Variants in REST observed in about 807,000 individuals in gnomAD.
REST encodes the protein RE1 silencing transcription factor.
A neutral mutation model predicts 30.4 loss-of-function variants in REST; 1 was observed. That is an observed-to-expected ratio of 0.03 (90% CI 0.01 to 0.16). The LOEUF (loss-of-function observed/expected upper bound fraction) is 0.16. Ranked by LOEUF, REST falls within the 10% of genes least tolerant of loss-of-function variation. The pLI, the probability that REST is intolerant of heterozygous loss-of-function variation, is 1.00. For missense variants in REST, 1,259 were observed against 1,329.5 expected (o/e 0.95, Z 0.82); for synonymous variants, 504 against 451.1 (o/e 1.12, Z -1.49).
At chr4:56,924,468 G>T (rs1409129740) in intron 3 of REST, among the ~76,000 whole-genome samples, 1 of 152,044 alleles carries the variant, frequency 6.6e-6, no homozygotes, top group Non-Finnish European at 1.5e-5. Flanking sequence ...GAACATTATA[G>T]AATTTGTTTG....
chr4:56,925,164 CAAAA>C (rs35149595), intron 3 of REST, among the ~76,000 whole-genome samples: 2 of 82,370 alleles, frequency 2.4e-5, no homozygotes, highest in Non-Finnish European at 5.0e-5. Flanking sequence ...GACTCAGTCT[CAAAA>C]AAAAAAAAAA....
chr4:56,926,817 C>T (rs1158096714), intron 3 of REST, among the ~76,000 whole-genome samples: 1 of 151,858 alleles, frequency 6.6e-6, no homozygotes. Flanking sequence ...GAAATTGAGG[C>T]CGGGCGCGGT....
rs777556718 is a variant in REST at position 56,930,510 on chromosome 4, C to G, written c.1652C>G (p.Ser551Cys). The G allele has an allele frequency of 5.6e-6, 9 of 1,610,590 alleles. No individual in the cohort carries two copies. The highest frequency in any genetic ancestry group is 1.3e-5 in the African/African-American group (1 of 74,570). Residue 551 changes from serine to cysteine, a missense_variant, in exon 4 of 4, where the codon TCC becomes TGC. Coordinates refer to ENST00000309042, the MANE Select transcript of REST (RefSeq NM_005612.5). ...AAGAAAAAGAAGGTAGAAAGCAAAT[C>G]CAAAAATAATAGTCAGGAAGTGCCA... is the stretch of plus-strand genomic sequence containing the variant. ...TKKKKKVESK[S>C]KNNSQEVPKG...
At chr4:56,927,733 G>A in intron 3 of REST, 1 of 637,542 alleles carries the variant, frequency 1.6e-6, no homozygotes, top group Non-Finnish European at 2.3e-6. Context: ...GGTTTTTTAT[G>A]TATCAGTGAT....
chr4:56,929,124 G>T (rs1174644253), intron 3 of REST, among the ~76,000 whole-genome samples: 1 of 149,758 alleles, frequency 6.7e-6, no homozygotes, highest in African/African-American at 2.5e-5. Flanking sequence ...CTGGAGTGAA[G>T]TAGTGCGATC....
Position 56,931,315 on chromosome 4 carries a change from T to A in REST, c.2457T>A (p.Asp819Glu). The change falls in exon 4 of 4, where the codon GAT becomes GAA. Residue 819 changes from aspartate to glutamate, a missense_variant. Asp to Glu is a conservative substitution (Grantham distance 45, BLOSUM62 2). This residue lies in a region of REST where 856 missense variants were observed against 772.8 expected (regional missense o/e 1.11). Coordinates refer to ENST00000309042, the MANE Select transcript of REST (RefSeq NM_005612.5). Reference sequence around the variant, plus strand: ...CCAAAAAGCCTCCTCTCCGAAAAGATAAAAAGGAAAAGTCTAACATGCAGA... The same window carrying A: ...CCAAAAAGCCTCCTCTCCGAAAAGAAAAAAAGGAAAAGTCTAACATGCAGA... The part of the protein sequence containing the change: ...PISKKPPLRK[D>E]KKEKSNMQSE... 6.2e-7 allele frequency: 1 copy of A among 1,614,146 alleles called. No individual in the cohort carries two copies. The highest frequency in any genetic ancestry group is 8.5e-7 in the Non-Finnish European group (1 of 1,180,016).
chr4:56,924,577 C>G (rs762373563), intron 3 of REST, among the ~76,000 whole-genome samples: 1 of 151,734 alleles, frequency 6.6e-6, no homozygotes, highest in Non-Finnish European at 1.5e-5. Flanking sequence ...GCCACCTTAA[C>G]CTCCCAAGTA....
chr4:56,921,594 G>C (rs182910159), intron 3 of REST, among the ~76,000 whole-genome samples: 186 of 152,082 alleles, frequency 1.2e-3, no homozygotes, highest in African/African-American at 3.7e-3. Context: ...AATTTTAGTA[G>C]AGATGGGGTT....
intron 3 of REST, among the ~76,000 whole-genome samples, chr4:56,922,609 G>A (rs1252773662): frequency 1.3e-5 from 2 of 152,066 alleles, no homozygotes; most frequent in African/African-American, 4.8e-5. Context: ...CACTGCTCCC[G>A]GCCAAGAGCT....
chr4:56,924,000 C>T (rs577156577), intron 3 of REST, among the ~76,000 whole-genome samples: 9 of 152,172 alleles, frequency 5.9e-5, no homozygotes, highest in East Asian at 1.9e-4. Context: ...GGATTACAGG[C>T]GTGAGCCACC....
chr4:56,909,846 A>G (rs1461684485), intron 1 of REST, among the ~76,000 whole-genome samples: 1 of 152,190 alleles, frequency 6.6e-6, no homozygotes, highest in Non-Finnish European at 1.5e-5. Context: ...AAAGTTGCTG[A>G]TTGTCGAGTT....
At position 56,931,370 on chromosome 4, in the gene REST, A is replaced by G; in HGVS notation, c.2512A>G (p.Ile838Val). ...AAGGGCACGGAAGGAGCAAGTCCTT[A>G]TTGAAGTTGGCTTAGTGCCTGTTAA... ...SERARKEQVLIEVGLVPVKDS... is the reference protein window; with the variant it reads ...SERARKEQVLVEVGLVPVKDS... Residue 838 changes from isoleucine to valine, a missense_variant, in exon 4 of 4, where the codon ATT becomes GTT. By Grantham distance (29) the Ile-to-Val change is conservative (BLOSUM62 3). Transcript: ENST00000309042. 3.7e-6 allele frequency: 6 copies of G among 1,614,270 alleles called. No individual in the cohort carries two copies. Among genetic ancestry groups the G allele is most frequent in the Non-Finnish European group, 4.2e-6 (5 of 1,180,050 alleles).
intron 2 of REST, 190 bp downstream of exon 2, chr4:56,911,726 T>G: frequency 1.7e-6 from 1 of 592,848 alleles, no homozygotes; most frequent in Non-Finnish European, 3.0e-6. Flanking sequence ...AATATCTAGG[T>G]TGGGAGGATT....
intron 3 of REST, among the ~76,000 whole-genome samples, chr4:56,929,573 C>T (rs894767576): frequency 2.0e-5 from 3 of 152,190 alleles, no homozygotes; most frequent in African/African-American, 7.2e-5. Flanking sequence ...ATGTGTATGT[C>T]TTAAAGAATC....
At chr4:56,919,977 T>C in intron 3 of REST, 107 bp downstream of exon 3, 1 of 487,876 alleles carries the variant, frequency 2.0e-6, no homozygotes, top group South Asian at 5.8e-5. Context: ...ATTTTTAATA[T>C]AATTTAGAAG....
chr4:56,926,216 C>G (rs1460350608), intron 3 of REST, among the ~76,000 whole-genome samples: 1 of 151,792 alleles, frequency 6.6e-6, no homozygotes, highest in Non-Finnish European at 1.5e-5. Context: ...TGCACCACCA[C>G]GCCTGGCTAA....
intron 1 of REST, among the ~76,000 whole-genome samples, chr4:56,908,618 C>T (rs1481056138): frequency 6.6e-6 from 1 of 152,076 alleles, no homozygotes. Flanking sequence ...CAGCCCCGCG[C>T]CGGCCCGCGG....
At chr4:56,925,602 C>T (rs1038458527) in intron 3 of REST, among the ~76,000 whole-genome samples, 21 of 152,206 alleles carry the variant, frequency 1.4e-4, no homozygotes, top group African/African-American at 1.9e-4. Flanking sequence ...AAATTCATTT[C>T]GGAGGCATAA....
In REST at chr4:56,931,692, G is replaced by A; in HGVS notation, c.2834G>A (p.Cys945Tyr). Residue 945 changes from cysteine (C) to tyrosine (Y), a missense_variant, in exon 4 of 4, where the codon TGT becomes TAT. Physicochemically the swap from Cys to Tyr is radical, Grantham distance 194 (BLOSUM62 -2). Transcript: ENST00000309042. ...AAACATCAGACTGACAGTATAGTTT[G>A]TGAAATGAAAATGGACACTGATCAG... ...NGKHQTDSIV[C>Y]EMKMDTDQNT... The A allele has an allele frequency of 6.2e-7, 1 of 1,614,218 alleles. No individual in the cohort carries two copies. Among genetic ancestry groups the A allele is most frequent in the Non-Finnish European group, 8.5e-7 (1 of 1,180,036 alleles).
Sources: allele counts gnomAD v4.1 joint callset (sites outside exome capture counted in the v4.1 genomes callset), GRCh38; gene constraint gnomAD v4.1.1; regional missense constraint gnomAD v4.1.1; transcripts MANE v1.5; gene names NCBI Gene and HGNC (gene_info 2026-07-23, HGNC 2026-07-21).